Variants in CMTM8 observed in about 807,000 individuals in gnomAD.
CMTM8 encodes CKLF like MARVEL transmembrane domain containing 8, also known as CKLF-like MARVEL transmembrane domain-containing protein 8.
A neutral mutation model predicts 18.6 loss-of-function variants in CMTM8; 12 were observed. That is an observed-to-expected ratio of 0.65 (90% CI 0.41 to 1.05). The LOEUF (loss-of-function observed/expected upper bound fraction) is 1.05. Among genes scored for constraint, CMTM8 ranks in the 50% least tolerant of loss-of-function variants. CMTM8 has a pLI of 0.00. For synonymous variants in CMTM8, 87 were observed against 90.6 expected (o/e 0.96, Z 0.23); for missense variants, 217 against 227.2 (o/e 0.95, Z 0.29).
Position 32,348,076 on chromosome 3 carries a change from C to G in CMTM8, c.148-9297C>G, listed in dbSNP as rs930815404. ...GTGAGTCATGTCCTTCAGTAGATTC[C>G]TAAGAAAGGGTGCATGGAAGGTAAA... is the stretch of plus-strand genomic sequence containing the variant. On this transcript the variant is annotated intron_variant, in intron 1 of 3. Transcript: ENST00000307526. Among the ~76,000 whole-genome samples, 25 of 151,966 alleles carry G rather than the reference C, an allele frequency of 1.6e-4. 1 individual carries two copies. Among genetic ancestry groups the G allele is most frequent in the Admixed American group, 7.9e-4 (12 of 15,252 alleles).
chr3:32,247,782 T>C (rs1391674901), intron 1 of CMTM8, among the ~76,000 whole-genome samples: 1 of 152,196 alleles, frequency 6.6e-6, no homozygotes, highest in Non-Finnish European at 1.5e-5. Context: ...CTTTTAAAAA[T>C]TTTTTGAAAT....
intron 1 of CMTM8, among the ~76,000 whole-genome samples, chr3:32,279,140 G>A (rs995876156): frequency 4.7e-5 from 7 of 149,418 alleles, no homozygotes; most frequent in Admixed American, 2.0e-4. Context: ...TGCCACCCAC[G>A]GTTCTGTATT....
At position 32,367,863 on chromosome 3, in the gene CMTM8, TC is replaced by T; in HGVS notation, c.322-3del. On this transcript the variant is annotated splice_polypyrimidine_tract_variant and splice_region_variant and intron_variant, in intron 2 of 3. Coordinates refer to ENST00000307526, the MANE Select transcript of CMTM8 (RefSeq NM_178868.5). Reference sequence around the variant, plus strand: ...TCTCCCTAAACACTCTGCCCCTGTGTCCCCCCAGGGCCTGTGCTTTAACGGC... The same window carrying T: ...TCTCCCTAAACACTCTGCCCCTGTGTCCCCCAGGGCCTGTGCTTTAACGGC... The T allele has an allele frequency of 1.9e-6, 3 of 1,587,542 alleles. No individual in the cohort carries two copies. The highest frequency in any genetic ancestry group is 2.6e-6 in the Non-Finnish European group (3 of 1,156,496).
intron 2 of CMTM8, among the ~76,000 whole-genome samples, chr3:32,362,358 T>G (rs1464373489): frequency 6.6e-6 from 1 of 152,190 alleles, no homozygotes; most frequent in Non-Finnish European, 1.5e-5. Flanking sequence ...TTACTATTTC[T>G]TAAGTACATA....
In CMTM8 at chr3:32,361,290, T is replaced by TTTTTTTGTTTTTTTGTTTTTTG. The variant is rs1445278422; in HGVS notation, c.321+3749_321+3750insTGTTTTTTTGTTTTTTGTTTTT. ...GCCACGGCGCCCAGCCTAAGAGTTTTTTTTTCTTTCAAATTTTGGAAAGGT... is the reference window on the plus strand; with the variant it reads ...GCCACGGCGCCCAGCCTAAGAGTTTTTTTTTTGTTTTTTTGTTTTTTGTTTTTCTTTCAAATTTTGGAAAGGT... On this transcript the variant is annotated intron_variant, in intron 2 of 3. Coordinates refer to ENST00000307526, the MANE Select transcript of CMTM8 (RefSeq NM_178868.5). Among the ~76,000 whole-genome samples, 53 of 70,052 alleles carry TTTTTTTGTTTTTTTGTTTTTTG rather than the reference T, an allele frequency of 7.6e-4. 1 individual carries two copies. Among genetic ancestry groups the TTTTTTTGTTTTTTTGTTTTTTG allele is most frequent in the East Asian group, 2.6e-3 (5 of 1,940 alleles). The allele number at this position is 70,052 out of a possible 152,430, so 46.0% of individuals were successfully genotyped here.
chr3:32,288,528 T>A (rs1171477695), intron 1 of CMTM8, among the ~76,000 whole-genome samples: 1 of 149,646 alleles, frequency 6.7e-6, no homozygotes, highest in Non-Finnish European at 1.5e-5. Flanking sequence ...TGAAATGGAG[T>A]CTTGCTCTAT....
chr3:32,341,302 A>T (rs974038216), intron 1 of CMTM8, among the ~76,000 whole-genome samples: 10 of 152,222 alleles, frequency 6.6e-5, no homozygotes, highest in African/African-American at 2.2e-4. Flanking sequence ...GCACGTGAGA[A>T]GGGACTGGCT....
At chr3:32,349,148 G>A (rs1390139987) in intron 1 of CMTM8, among the ~76,000 whole-genome samples, 1 of 151,790 alleles carries the variant, frequency 6.6e-6, no homozygotes, top group Non-Finnish European at 1.5e-5. Context: ...TTTGCTCTCT[G>A]CCCTGTTATA....
In CMTM8 at chr3:32,278,323, G is replaced by C. The variant is rs139358069; in HGVS notation, c.147+39204G>C. Among the ~76,000 whole-genome samples, 435 of 152,302 alleles carry C rather than the reference G, an allele frequency of 2.9e-3. 6 individuals are homozygous for C. The highest frequency in any genetic ancestry group is 0.01 in the African/African-American group (420 of 41,570). On this transcript the variant is annotated intron_variant, in intron 1 of 3. Transcript: ENST00000307526. ...AGTTAAAACCCACTTCTTACTAAAG[G>C]CAGAATGTGAGAGCGGATGGTATGG...
intron 1 of CMTM8, among the ~76,000 whole-genome samples, chr3:32,248,428 C>T (rs1432334233): frequency 6.6e-6 from 1 of 152,120 alleles, no homozygotes; most frequent in African/African-American, 2.4e-5. Flanking sequence ...GTAGCGCGAT[C>T]TTGGCTCACT....
At chr3:32,301,071 G>T (rs761577063) in intron 1 of CMTM8, among the ~76,000 whole-genome samples, 1 of 152,074 alleles carries the variant, frequency 6.6e-6, no homozygotes, top group Non-Finnish European at 1.5e-5. Flanking sequence ...AATTGCAAAT[G>T]ATTTTTGTCC....
At position 32,269,944 on chromosome 3, in the gene CMTM8, A is replaced by AT. The variant is rs926656243; in HGVS notation, c.147+30837dup. On this transcript the variant is annotated intron_variant, in intron 1 of 3. Coordinates refer to ENST00000307526, the MANE Select transcript of CMTM8 (RefSeq NM_178868.5). The stretch of plus-strand genomic sequence containing the variant: ...AGGCTTGCACTACCATGCCTGGCTA[A>AT]TTTTTTTTTTTTGAGACGGGGGTCT... Among the ~76,000 whole-genome samples, 1,129 of 146,022 alleles carry AT rather than the reference A, an allele frequency of 7.7e-3. 10 individuals are homozygous for AT. The highest frequency in any genetic ancestry group is 0.024 in the African/African-American group (971 of 40,120).
chr3:32,263,038 C>T (rs1702278004), intron 1 of CMTM8, among the ~76,000 whole-genome samples: 1 of 151,534 alleles, frequency 6.6e-6, no homozygotes, highest in Admixed American at 6.6e-5. Flanking sequence ...CAATCTACAG[C>T]TCCCAGTGTG....
intron 1 of CMTM8, among the ~76,000 whole-genome samples, chr3:32,325,700 A>G (rs1055746986): frequency 6.6e-6 from 1 of 152,198 alleles, no homozygotes; most frequent in African/African-American, 2.4e-5. Context: ...GTGATTTTCA[A>G]TGAAAAGGTA....
intron 1 of CMTM8, among the ~76,000 whole-genome samples, chr3:32,264,578 C>G (rs528514196): frequency 1.7e-4 from 26 of 152,266 alleles, no homozygotes; most frequent in South Asian, 8.3e-4. Flanking sequence ...ATCATAATGA[C>G]AGGATCAAAT....
intron 1 of CMTM8, among the ~76,000 whole-genome samples, chr3:32,317,125 C>T (rs1322774021): frequency 3.3e-5 from 5 of 152,258 alleles, no homozygotes; most frequent in Admixed American, 2.6e-4. Flanking sequence ...GGACCTGGGA[C>T]AGGGACTCAT....
chr3:32,314,294 G>A (rs966932174), intron 1 of CMTM8, among the ~76,000 whole-genome samples: 4 of 152,070 alleles, frequency 2.6e-5, no homozygotes, highest in African/African-American at 7.2e-5. Flanking sequence ...AGGGCTGCAG[G>A]GGCTGGTTGG....
At chr3:32,241,842 T>G (rs1701948712) in intron 1 of CMTM8, among the ~76,000 whole-genome samples, 1 of 152,244 alleles carries the variant, frequency 6.6e-6, no homozygotes, top group African/African-American at 2.4e-5. Flanking sequence ...CCCAATTTCT[T>G]GTTTGCCCTG....
intron 1 of CMTM8, among the ~76,000 whole-genome samples, chr3:32,332,713 C>T (rs1299912198): frequency 6.6e-6 from 1 of 152,104 alleles, no homozygotes; most frequent in East Asian, 1.9e-4. Context: ...CCTCTGGGGG[C>T]CTCCTGTAAG....
Sources: allele counts gnomAD v4.1 joint callset (sites outside exome capture counted in the v4.1 genomes callset), GRCh38; gene constraint gnomAD v4.1.1; transcripts MANE v1.5; gene names NCBI Gene and HGNC (gene_info 2026-07-23, HGNC 2026-07-21).